The following BIRC6 variants were observed in gnomAD, a reference collection of about 807,000 sequenced individuals.
The protein encoded by BIRC6 is dual E2 ubiquitin-conjugating enzyme/E3 ubiquitin-protein ligase BIRC6.
Under a neutral mutation model 503.3 loss-of-function variants are expected in BIRC6, and 98 were observed. The ratio of observed to expected loss-of-function variants is 0.19; its 90% CI spans 0.17 to 0.23. BIRC6 has a LOEUF of 0.23. BIRC6 is among the 10% of genes least tolerant of loss of function. The probability of loss-of-function intolerance (pLI) is 1.00; values close to 1 mark genes in which losing one functional copy is unlikely to be tolerated. For synonymous variants in BIRC6, 2,240 were observed against 2,078.7 expected (o/e 1.08, Z -2.11); for missense variants, 5,360 against 5,806.0 (o/e 0.92, Z 2.50).
intron 8 of BIRC6, among the ~76,000 whole-genome samples, chr2:32,403,572 G>A (rs2040833178): frequency 6.6e-6 from 1 of 152,060 alleles, no homozygotes; most frequent in African/African-American, 2.4e-5. Context: ...TGTATATCAG[G>A]TCAAGTTGGT....
chr2:32,548,365 CTTTTTTT>C (rs1202755440), intron 64 of BIRC6, among the ~76,000 whole-genome samples: 81 of 73,350 alleles, frequency 1.1e-3, no homozygotes, highest in Non-Finnish European at 1.7e-3. Flanking sequence ...TGGTTGCTTA[CTTTTTTT>C]TTTTTTTTTT....
chr2:32,548,365 CTT>C (rs1202755440), intron 64 of BIRC6, among the ~76,000 whole-genome samples: 210 of 73,318 alleles, frequency 2.9e-3, no homozygotes, highest in Non-Finnish European at 3.8e-3. Flanking sequence ...TGGTTGCTTA[CTT>C]TTTTTTTTTT....
intron 70 of BIRC6, among the ~76,000 whole-genome samples, chr2:32,601,788 G>A (rs2062076700): frequency 6.6e-6 from 1 of 152,184 alleles, no homozygotes; most frequent in South Asian, 2.1e-4. Flanking sequence ...CCTGCTAAGT[G>A]AGTAAGTATC....
At chr2:32,426,591 G>A (rs1401510928) in intron 10 of BIRC6, among the ~76,000 whole-genome samples, 1 of 152,194 alleles carries the variant, frequency 6.6e-6, no homozygotes, top group African/African-American at 2.4e-5. Flanking sequence ...GCAACAGAGC[G>A]AGACTCCGTC....
intron 65 of BIRC6, among the ~76,000 whole-genome samples, chr2:32,550,631 A>G (rs2058360122): frequency 1.3e-5 from 2 of 152,098 alleles, no homozygotes; most frequent in African/African-American, 4.8e-5. Context: ...TTATTAAACT[A>G]TTATTTTCTT....
At chr2:32,563,640 G>T (rs1222137221) in intron 65 of BIRC6, 1 of 152,178 alleles carries the variant, frequency 6.6e-6, no homozygotes, top group South Asian at 2.1e-4. Context: ...AAAAATTTTA[G>T]TGACAGCTTT....
At chr2:32,604,547 G>T (rs962429692) in intron 71 of BIRC6, among the ~76,000 whole-genome samples, 1 of 152,204 alleles carries the variant, frequency 6.6e-6, no homozygotes, top group Admixed American at 6.5e-5. Flanking sequence ...GATAACCCAT[G>T]TCATAAAGTA....
chr2:32,563,787 C>T (rs1408400574), intron 65 of BIRC6: 1 of 152,068 alleles, frequency 6.6e-6, no homozygotes, highest in Non-Finnish European at 1.5e-5. Context: ...ATAAAGAACC[C>T]TGTACCCTTG....
At position 32,406,528 on chromosome 2, in the gene BIRC6, A is replaced by G; in HGVS notation, c.1448A>G (p.Glu483Gly). 6.2e-7 allele frequency: 1 copy of G among 1,610,880 alleles called. No individual in the cohort carries two copies. ...GATTTACTGGAGGATTCAGACAGTG[A>G]AGAGCATTCCAGATCAGATTCTGTG... is the stretch of plus-strand genomic sequence containing the variant. ...SDDLLEDSDS[E>G]EHSRSDSVTG... Residue 483 changes from glutamate to glycine, a missense_variant, in exon 9 of 74, where the codon GAA becomes GGA. Physicochemically the swap from Glu to Gly is moderately conservative, Grantham distance 98. This residue lies in a region of BIRC6 where 700 missense variants were observed against 739.3 expected (regional missense o/e 0.95). Transcript: ENST00000421745.
chr2:32,369,018 G>C (rs2035390630), intron 1 of BIRC6, among the ~76,000 whole-genome samples: 1 of 152,154 alleles, frequency 6.6e-6, no homozygotes, highest in South Asian at 2.1e-4. Context: ...CTGATATGAG[G>C]ATGATGGTAT....
At chr2:32,451,565 C>G (rs889855634) in intron 22 of BIRC6, among the ~76,000 whole-genome samples, 5 of 152,008 alleles carry the variant, frequency 3.3e-5, no homozygotes, top group Non-Finnish European at 5.9e-5. Context: ...AAATTTTAAC[C>G]CATGAATACA....
intron 55 of BIRC6, among the ~76,000 whole-genome samples, chr2:32,517,771 C>CG (rs2055212886): frequency 4.5e-3 from 1 of 220 alleles, no homozygotes; most frequent in Admixed American, 0.042. Flanking sequence ...TGGGTAGAGA[C>CG]AGGTTTCACC....
chr2:32,548,116 T>C (rs2058175803), intron 64 of BIRC6, 102 bp downstream of exon 64: 1 of 1,049,914 alleles, frequency 9.5e-7, no homozygotes, highest in South Asian at 2.2e-5. Flanking sequence ...GCTATGTTTA[T>C]GCCCACTTGT....
intron 10 of BIRC6, among the ~76,000 whole-genome samples, chr2:32,422,954 T>C (rs901365084): frequency 9.9e-5 from 15 of 152,214 alleles, no homozygotes; most frequent in African/African-American, 3.6e-4. Flanking sequence ...TTTTTATTTT[T>C]GAGGCAGAGT....
chr2:32,402,539 A>G (rs2040717343), intron 8 of BIRC6, among the ~76,000 whole-genome samples: 1 of 152,178 alleles, frequency 6.6e-6, no homozygotes, highest in Non-Finnish European at 1.5e-5. Flanking sequence ...AATGGAAATT[A>G]TTTCATTAAT....
intron 44 of BIRC6, among the ~76,000 whole-genome samples, chr2:32,493,057 T>C (rs1257041744): frequency 6.6e-6 from 1 of 151,808 alleles, no homozygotes; most frequent in Non-Finnish European, 1.5e-5. Context: ...AATTTATTTT[T>C]ATTTAGTTTT....
intron 10 of BIRC6, among the ~76,000 whole-genome samples, chr2:32,418,372 A>G (rs557607120): frequency 5.3e-5 from 8 of 152,342 alleles, no homozygotes; most frequent in African/African-American, 1.7e-4. Flanking sequence ...TTTTGTACAT[A>G]ATGATACTGA....
intron 23 of BIRC6, among the ~76,000 whole-genome samples, 175 bp from the exon 24 acceptor site, chr2:32,463,019 A>G (rs2048171748): frequency 6.6e-6 from 1 of 151,900 alleles, no homozygotes; most frequent in African/African-American, 2.4e-5. Context: ...TTATCAATAT[A>G]CTTTATTTTA....
At chr2:32,555,939 A>C (rs1484480593) in intron 65 of BIRC6, among the ~76,000 whole-genome samples, 4 of 150,126 alleles carry the variant, frequency 2.7e-5, no homozygotes, top group Non-Finnish European at 5.9e-5. Flanking sequence ...AAAAAGGTAG[A>C]GTAACCTGCC....
Sources: allele counts gnomAD v4.1 joint callset (sites outside exome capture counted in the v4.1 genomes callset), GRCh38; gene constraint gnomAD v4.1.1; regional missense constraint gnomAD v4.1.1; transcripts MANE v1.5; gene names NCBI Gene and HGNC (gene_info 2026-07-23, HGNC 2026-07-21).